Variants in PCDH15 observed in about 807,000 individuals in gnomAD.
PCDH15 encodes protocadherin-15.
PCDH15 carries 129 observed loss-of-function variants against 178.5 expected under a neutral mutation model. The ratio of observed to expected loss-of-function variants is 0.72; its 90% CI spans 0.63 to 0.84. The LOEUF (loss-of-function observed/expected upper bound fraction) is 0.84, where lower values mean the gene tolerates loss of function less well. Ranked by LOEUF, PCDH15 falls within the 40% of genes least tolerant of loss-of-function variation. The pLI is 0.00. For missense variants in PCDH15, 2,230 were observed against 2,099.9 expected, an observed-to-expected ratio of 1.06 and a Z score of -1.21; for synonymous variants, 800 against 732.0, an observed-to-expected ratio of 1.09 and a Z score of -1.50.
chr10:54,933,066 A>G (rs1488718230), intron 2 of PCDH15, among the ~76,000 whole-genome samples: 2 of 152,200 alleles, frequency 1.3e-5, no homozygotes, highest in African/African-American at 2.4e-5. Context: ...AATTGTCTAC[A>G]GTATTCAGTA....
intron 2 of PCDH15, among the ~76,000 whole-genome samples, chr10:54,929,175 T>C (rs1171276913): frequency 6.6e-6 from 1 of 152,200 alleles, no homozygotes; most frequent in Admixed American, 6.6e-5. Flanking sequence ...GCTTTCTTTC[T>C]GGATGATTTC....
intron 2 of PCDH15, among the ~76,000 whole-genome samples, chr10:55,560,227 G>GA (rs1029258527): frequency 1.8e-4 from 27 of 151,918 alleles, no homozygotes; most frequent in African/African-American, 6.3e-4. Context: ...CATAATGAAG[G>GA]AAAAAATGCA....
At chr10:55,290,350 T>C (rs1343292) in intron 1 of PCDH15, among the ~76,000 whole-genome samples, 1 of 151,786 alleles carries the variant, frequency 6.6e-6, no homozygotes, top group African/African-American at 2.4e-5. Flanking sequence ...AGGGATAATG[T>C]TTAGAGATCA....
chr10:54,340,416 C>A (rs1465274391), intron 6 of PCDH15, among the ~76,000 whole-genome samples: 3 of 152,110 alleles, frequency 2.0e-5, no homozygotes, highest in Non-Finnish European at 2.9e-5. Context: ...GAAAAGTACA[C>A]CTCTAGTATG....
At chr10:54,062,151 C>A (rs557279072) in intron 18 of PCDH15, among the ~76,000 whole-genome samples, 1 of 139,070 alleles carries the variant, frequency 7.2e-6, no homozygotes, top group East Asian at 2.4e-4. Flanking sequence ...TGAACCTGGG[C>A]GGCAGAGGTT....
chr10:54,817,647 G>GATTGAAT (rs1952970145), intron 3 of PCDH15, among the ~76,000 whole-genome samples: 2 of 151,920 alleles, frequency 1.3e-5, no homozygotes, highest in African/African-American at 4.8e-5. Context: ...CAAGTCATTT[G>GATTGAAT]CATTAAAATA....
At chr10:55,575,362 C>G (rs1842476953) in intron 2 of PCDH15, among the ~76,000 whole-genome samples, 1 of 152,008 alleles carries the variant, frequency 6.6e-6, no homozygotes, top group African/African-American at 2.4e-5. Flanking sequence ...TCAGTTATTG[C>G]CAGAAAATAC....
At chr10:54,066,959 G>T in intron 17 of PCDH15, 74 bp from the exon 18 acceptor site, 1 of 1,440,286 alleles carries the variant, frequency 6.9e-7, no homozygotes, top group South Asian at 1.2e-5. Context: ...AGTCATTCTG[G>T]CATTTGTCTA....
intron 1 of PCDH15, among the ~76,000 whole-genome samples, chr10:54,678,584 G>A (rs111588978): frequency 0.035 from 5,292 of 152,086 alleles, 307 homozygotes; most frequent in African/African-American, 0.12. Context: ...AGATATAAAT[G>A]ATTGAAAGCA....
chr10:53,879,338 A>G (rs2080519534), intron 26 of PCDH15, among the ~76,000 whole-genome samples: 1 of 152,200 alleles, frequency 6.6e-6, no homozygotes, highest in Admixed American at 6.5e-5. Context: ...TTGATAGCAA[A>G]GCAAAAGCAC....
At chr10:55,438,602 TAC>T (rs1454080792) in intron 2 of PCDH15, among the ~76,000 whole-genome samples, 5 of 151,606 alleles carry the variant, frequency 3.3e-5, no homozygotes, top group Admixed American at 3.3e-4. Flanking sequence ...GATGATAAAA[TAC>T]AGGAAAAATG....
chr10:53,903,497 G>A (rs1274817157), intron 25 of PCDH15, 127 bp from the exon 26 acceptor site: 1 of 1,029,418 alleles, frequency 9.7e-7, no homozygotes, highest in East Asian at 2.5e-5. Flanking sequence ...ATTTCTAGAT[G>A]CCATGCCTAG....
intron 3 of PCDH15, among the ~76,000 whole-genome samples, chr10:54,395,639 TACACACACAAACATGC>T (rs1186973963): frequency 1.3e-5 from 2 of 151,288 alleles, no homozygotes; most frequent in East Asian, 1.9e-4. Flanking sequence ...ATTAAGTTTA[TACACACACAAACATGC>T]ACACACACAA....
chr10:53,819,851 T>A (rs1016369958), intron 33 of PCDH15, among the ~76,000 whole-genome samples: 21 of 151,930 alleles, frequency 1.4e-4, no homozygotes, highest in African/African-American at 4.8e-4. Context: ...ATTAGGAATC[T>A]CCAAATACAA....
chr10:54,737,422 T>C (rs1944261365), intron 1 of PCDH15, among the ~76,000 whole-genome samples: 1 of 152,072 alleles, frequency 6.6e-6, no homozygotes, highest in South Asian at 2.1e-4. Context: ...GAATGTATAA[T>C]GGAAAGGTAA....
chr10:55,081,408 C>G (rs1382818590), intron 2 of PCDH15, among the ~76,000 whole-genome samples: 1 of 152,128 alleles, frequency 6.6e-6, no homozygotes, highest in Non-Finnish European at 1.5e-5. Flanking sequence ...TAATTACATT[C>G]CAAGTGCCCT....
chr10:55,622,139 T>A (rs1837414844), intron 2 of PCDH15, among the ~76,000 whole-genome samples: 1 of 135,106 alleles, frequency 7.4e-6, no homozygotes. Context: ...ATTATATATA[T>A]TATATATATC....
intron 2 of PCDH15, among the ~76,000 whole-genome samples, chr10:55,074,012 T>A (rs1316252364): frequency 2.6e-5 from 4 of 152,116 alleles, no homozygotes; most frequent in Non-Finnish European, 5.9e-5. Context: ...GGCACCCAGG[T>A]CCATCTATGT....
At chr10:54,897,352 C>G (rs138676824) in intron 3 of PCDH15, 55 of 152,278 alleles carry the variant, frequency 3.6e-4, no homozygotes, top group African/African-American at 1.3e-3. Flanking sequence ...AATCAACACT[C>G]TACTTATGAT....
Sources: allele counts gnomAD v4.1 joint callset (sites outside exome capture counted in the v4.1 genomes callset), GRCh38; gene constraint gnomAD v4.1.1; transcripts MANE v1.5; gene names NCBI Gene and HGNC (gene_info 2026-07-23, HGNC 2026-07-21).